Variants in ZNF578 observed in about 807,000 individuals in gnomAD.
The protein encoded by ZNF578 is zinc finger protein 578.
Under a neutral mutation model 8.3 loss-of-function variants are expected in ZNF578, and 8 were observed. The observed-to-expected ratio is 0.96, with a 90% CI of 0.56 to 1.74. The LOEUF (loss-of-function observed/expected upper bound fraction) is 1.74. ZNF578 is among the 40% of genes most tolerant of loss of function. The probability of loss-of-function intolerance (pLI) is 0.00; values close to 1 mark genes in which losing one functional copy is unlikely to be tolerated. For synonymous variants in ZNF578, 206 were observed against 232.2 expected (o/e 0.89, Z 1.03); for missense variants, 726 against 707.5 (o/e 1.03, Z -0.30).
At chr19:52,479,326 G>A (rs1599891896) in intron 2 of ZNF578, among the ~76,000 whole-genome samples, 1 of 151,908 alleles carries the variant, frequency 6.6e-6, no homozygotes, top group African/African-American at 2.4e-5. Flanking sequence ...ATGAGGTCAG[G>A]AGATCAAGAC....
intron 2 of ZNF578, among the ~76,000 whole-genome samples, chr19:52,464,753 A>C (rs2059269300): frequency 6.6e-6 from 1 of 152,238 alleles, no homozygotes. Context: ...AAAGTTTGAC[A>C]AACTGTGTGA....
chr19:52,496,965 T>C (rs1474689070), intron 3 of ZNF578, among the ~76,000 whole-genome samples: 1 of 151,536 alleles, frequency 6.6e-6, no homozygotes, highest in Non-Finnish European at 1.5e-5. Flanking sequence ...GAGACACTCT[T>C]GCTGTTGTCC....
intron 2 of ZNF578, among the ~76,000 whole-genome samples, chr19:52,459,058 G>T (rs1262071342): frequency 1.3e-5 from 2 of 152,162 alleles, no homozygotes; most frequent in South Asian, 4.1e-4. Flanking sequence ...TAGTCAGAGA[G>T]GTCTTTGTGT....
At chr19:52,487,869 T>G (rs1030842781) in intron 2 of ZNF578, among the ~76,000 whole-genome samples, 2 of 151,982 alleles carry the variant, frequency 1.3e-5, no homozygotes, top group Admixed American at 6.6e-5. Context: ...AATCCTGGGC[T>G]GAAAGGATCC....
chr19:52,495,180 T>C (rs78928667), intron 3 of ZNF578, among the ~76,000 whole-genome samples: 12,204 of 117,180 alleles, frequency 0.1, 1,855 homozygotes, highest in Middle Eastern at 0.18. Flanking sequence ...TAGTAGTTTT[T>C]TGAGGTGGAG....
chr19:52,475,734 T>G (rs953525545), intron 2 of ZNF578, among the ~76,000 whole-genome samples: 1 of 152,230 alleles, frequency 6.6e-6, no homozygotes, highest in East Asian at 1.9e-4. Context: ...AGAGAACTAC[T>G]TTCTGAGGCT....
Position 52,513,048 on chromosome 19 carries a change from G to A in ZNF578, c.*894G>A, listed in dbSNP as rs188718650. On this transcript the variant is annotated 3_prime_UTR_variant, in exon 6 of 6. Transcript: ENST00000421239. Reference sequence around the variant, plus strand: ...TTATTATTATTTTTTGAGATGGAGTGTTGCTCTTGCTGCCCAGGCTAGAGT... The same window carrying A: ...TTATTATTATTTTTTGAGATGGAGTATTGCTCTTGCTGCCCAGGCTAGAGT... Among the ~76,000 whole-genome samples the A allele has an allele frequency of 2.4e-4, 37 of 152,142 alleles. No homozygotes were observed. The highest frequency in any genetic ancestry group is 6.5e-5 in the Admixed American group (1 of 15,268).
chr19:52,512,706 C>A lies in ZNF578; in HGVS notation c.*552C>A, dbSNP rs775357074. On this transcript the variant is annotated 3_prime_UTR_variant, in exon 6 of 6. Coordinates refer to ENST00000421239, the MANE Select transcript of ZNF578 (RefSeq NM_001099694.2). ...AATGTCATCAGTGTGGCAAGGTCTTCAGTCCGAGGTCACTCCTTGCAGAAC... is the reference window on the plus strand; with the variant it reads ...AATGTCATCAGTGTGGCAAGGTCTTAAGTCCGAGGTCACTCCTTGCAGAAC... Among the ~76,000 whole-genome samples, 1 of 152,232 alleles carries A rather than the reference C, an allele frequency of 6.6e-6. No individual in the cohort carries two copies. The highest frequency in any genetic ancestry group is 2.4e-5 in the African/African-American group (1 of 41,456).
rs553757496 is a variant in ZNF578 at position 52,471,461 on chromosome 19, C to T, written c.-122+14503C>T. The stretch of plus-strand genomic sequence containing the variant: ...TAGAACCCTAATACAATTACTAACA[C>T]ATTTTACACCTCTGCACTCCCTCTT... On this transcript the variant is annotated intron_variant, in intron 2 of 5. Coordinates refer to ENST00000421239, the MANE Select transcript of ZNF578 (RefSeq NM_001099694.2). Among the ~76,000 whole-genome samples, 12 of 152,276 alleles carry T rather than the reference C, an allele frequency of 7.9e-5. 2 individuals carry two copies. The highest frequency in any genetic ancestry group is 2.9e-4 in the African/African-American group (12 of 41,554).
chr19:52,485,514 CCA>C (rs1279253928), intron 2 of ZNF578, among the ~76,000 whole-genome samples: 1 of 152,178 alleles, frequency 6.6e-6, no homozygotes, highest in Non-Finnish European at 1.5e-5. Flanking sequence ...AGCCTGTGAT[CCA>C]CAGAGAGTTG....
At chr19:52,493,119 C>T (rs956820460) in intron 3 of ZNF578, among the ~76,000 whole-genome samples, 8 of 152,098 alleles carry the variant, frequency 5.3e-5, no homozygotes, top group African/African-American at 1.9e-4. Context: ...CTGCTCAAAA[C>T]CTTTTTCTGA....
chr19:52,459,773 T>TA (rs2059251925), intron 2 of ZNF578, among the ~76,000 whole-genome samples: 1 of 38,610 alleles, frequency 2.6e-5, no homozygotes, highest in East Asian at 6.9e-4. Flanking sequence ...ATATATATTT[T>TA]TTTTTTTTTT....
intron 3 of ZNF578, among the ~76,000 whole-genome samples, chr19:52,500,913 C>T (rs186222692): frequency 0.012 from 1,571 of 127,128 alleles, 11 homozygotes; most frequent in Non-Finnish European, 0.019. Flanking sequence ...GAGTCTTGCT[C>T]TGTCACCCAG....
chr19:52,512,758 T>C lies in ZNF578; in HGVS notation c.*604T>C, dbSNP rs1293006493. Among the ~76,000 whole-genome samples, 1 of 152,240 alleles carries C rather than the reference T, an allele frequency of 6.6e-6. No individual in the cohort carries two copies. The highest frequency in any genetic ancestry group is 1.5e-5 in the Non-Finnish European group (1 of 68,038). On this transcript the variant is annotated 3_prime_UTR_variant, in exon 6 of 6. Coordinates refer to ENST00000421239, the MANE Select transcript of ZNF578 (RefSeq NM_001099694.2). ...TCAGAAAATTCATTTTTGAGATAAC[T>C]GTTCCCAATGCAGTGAGTATAGCAA...
At chr19:52,502,875 G>A (rs1320804937) in intron 4 of ZNF578, among the ~76,000 whole-genome samples, 2 of 152,192 alleles carry the variant, frequency 1.3e-5, no homozygotes, top group East Asian at 3.9e-4. Flanking sequence ...GAGCCTGAGT[G>A]ATAGGCATGG....
rs112040062 is a variant in ZNF578 at position 52,515,322 on chromosome 19, T to C, written c.*3168T>C. On this transcript the variant is annotated 3_prime_UTR_variant, in exon 6 of 6. Coordinates refer to ENST00000421239, the MANE Select transcript of ZNF578 (RefSeq NM_001099694.2). ...TTTCTTAGTTCTACAGCTGACCCTCTTTCACTGTTTCCAAGGTCAATAGCT... is the reference window on the plus strand; with the variant it reads ...TTTCTTAGTTCTACAGCTGACCCTCCTTCACTGTTTCCAAGGTCAATAGCT... Among the ~76,000 whole-genome samples, 678 of 152,340 alleles carry C rather than the reference T, an allele frequency of 4.5e-3. 4 individuals carry two copies. Among genetic ancestry groups the C allele is most frequent in the African/African-American group, 0.016 (650 of 41,588 alleles).
At chr19:52,493,850 C>T (rs1299004656) in intron 3 of ZNF578, among the ~76,000 whole-genome samples, 3 of 151,838 alleles carry the variant, frequency 2.0e-5, no homozygotes, top group African/African-American at 7.3e-5. Flanking sequence ...ATTAGCCGGG[C>T]GCGGTTGCAC....
chr19:52,464,923 G>A (rs1032187811), intron 2 of ZNF578, among the ~76,000 whole-genome samples: 2 of 152,180 alleles, frequency 1.3e-5, no homozygotes, highest in South Asian at 2.1e-4. Flanking sequence ...CAAGCAGCCC[G>A]TCTTTAGGGA....
At chr19:52,494,594 A>G (rs1038582514) in intron 3 of ZNF578, among the ~76,000 whole-genome samples, 1 of 152,198 alleles carries the variant, frequency 6.6e-6, no homozygotes, top group Non-Finnish European at 1.5e-5. Context: ...TATATAATCT[A>G]ATAACTTGTC....
Sources: gnomAD v4.1 joint callset for allele counts (sites outside exome capture counted in the v4.1 genomes callset) on GRCh38, gnomAD v4.1.1 for gene constraint, MANE v1.5 for transcripts, NCBI Gene and HGNC (gene_info 2026-07-23, HGNC 2026-07-21) for gene names.